PARK7: variants seen among roughly 807,000 people sequenced by gnomAD.
The protein encoded by PARK7 is Parkinsonism associated deglycase.
Under a neutral mutation model 20.5 loss-of-function variants are expected in PARK7, and 14 were observed. That is an observed-to-expected ratio of 0.68 (90% CI 0.45 to 1.07). The LOEUF (loss-of-function observed/expected upper bound fraction) is 1.07. PARK7 is among the 50% of genes least tolerant of loss of function. The pLI, the probability that PARK7 is intolerant of heterozygous loss-of-function variation, is 0.00. For missense variants in PARK7, 234 were observed against 238.1 expected (o/e 0.98, Z 0.11); for synonymous variants, 98 against 84.3 (o/e 1.16, Z -0.89).
intron 5 of PARK7, among the ~76,000 whole-genome samples, chr1:7,973,657 T>C (rs1640509703): frequency 7.2e-6 from 1 of 138,810 alleles, no homozygotes; most frequent in Non-Finnish European, 1.5e-5. Context: ...GAGGTTGCAG[T>C]GAGCCAAGAT....
chr1:7,965,253 T>G (rs1282351669), intron 2 of PARK7, 71 bp from the exon 3 acceptor site: 3 of 1,441,482 alleles, frequency 2.1e-6, no homozygotes, highest in East Asian at 2.3e-5. Flanking sequence ...CTTTTTTCTT[T>G]TTTTTTAAAG....
intron 5 of PARK7, among the ~76,000 whole-genome samples, chr1:7,977,189 A>G (rs936947378): frequency 2.0e-5 from 3 of 152,128 alleles, no homozygotes; most frequent in Admixed American, 2.0e-4. Flanking sequence ...GACTCCTGGT[A>G]TATGTGGTCC....
chr1:7,975,780 A>G (rs1298597906), intron 5 of PARK7, among the ~76,000 whole-genome samples: 1 of 152,226 alleles, frequency 6.6e-6, no homozygotes, highest in Non-Finnish European at 1.5e-5. Context: ...CATCTATTAA[A>G]GTTTACTTTA....
chr1:7,970,897 G>A lies in PARK7; in HGVS notation c.256G>A (p.Ala86Thr). Residue 86 changes from alanine (A) to threonine (T), a missense_variant, in exon 5 of 7, where the codon GCT becomes ACT. Physicochemically the swap from Ala to Thr is moderately conservative, Grantham distance 58 (BLOSUM62 0). Transcript: ENST00000338639. ...NLGAQNLSES[A>T]AVKEILKEQE... Reference sequence around the variant, plus strand: ...TTTTTGGTTTTCTTTTCACTAGTCTGCTGCTGTGAAGGAGATACTGAAGGA... The same window carrying A: ...TTTTTGGTTTTCTTTTCACTAGTCTACTGCTGTGAAGGAGATACTGAAGGA... 2 of 1,614,164 alleles carry A rather than the reference G, an allele frequency of 1.2e-6. No homozygotes were observed. The highest frequency in any genetic ancestry group is 1.7e-6 in the Non-Finnish European group (2 of 1,180,008).
chr1:7,965,508 T>G, intron 3 of PARK7, 83 bp downstream of exon 3: 2 of 1,266,112 alleles, frequency 1.6e-6, no homozygotes, highest in South Asian at 1.2e-5. Context: ...TAGCACAGAC[T>G]CATTTTAGAA....
chr1:7,969,318 TTTTC>T lies in PARK7; in HGVS notation c.193-23_193-20del, dbSNP rs764079735. On this transcript the variant is annotated intron_variant, in intron 3 of 6. Transcript: ENST00000338639. Reference sequence around the variant, plus strand: ...GCACAGTTGAAATGAAATGTTTTTGTTTTCTTTATGTTTTAAACTGTTACAGGGA... The same window carrying T: ...GCACAGTTGAAATGAAATGTTTTTGTTTTATGTTTTAAACTGTTACAGGGA... The T allele has an allele frequency of 3.3e-4, 526 of 1,580,528 alleles. 2 individuals are homozygous for T. The Admixed American group carries it at 8.9e-3, about 27-fold the overall frequency.
chr1:7,981,770 TGCCTCA>T (rs1249740392), intron 6 of PARK7, among the ~76,000 whole-genome samples: 1 of 150,974 alleles, frequency 6.6e-6, no homozygotes, highest in Non-Finnish European at 1.5e-5. Context: ...GCCATTCTCC[TGCCTCA>T]GCCTCCCAAG....
chr1:7,969,271 A>C, intron 3 of PARK7, 74 bp from the exon 4 acceptor site: 1 of 1,207,936 alleles, frequency 8.3e-7, no homozygotes, highest in South Asian at 1.3e-5. Context: ...ATAGGAAAGT[A>C]TTATTGGACT....
At chr1:7,978,719 A>G (rs1245428221) in intron 6 of PARK7, among the ~76,000 whole-genome samples, 1 of 152,054 alleles carries the variant, frequency 6.6e-6, no homozygotes, top group East Asian at 1.9e-4. Flanking sequence ...GGTGATGCAC[A>G]CTGGTAGTTG....
At chr1:7,965,943 C>G (rs226252) in intron 3 of PARK7, among the ~76,000 whole-genome samples, 121,824 of 152,130 alleles carry the variant, frequency 0.8, 49,626 homozygotes, top group African/African-American at 0.95. Flanking sequence ...CCACGTAGCT[C>G]GGACTACAGG....
At chr1:7,974,603 T>G (rs1640537742) in intron 5 of PARK7, among the ~76,000 whole-genome samples, 1 of 150,902 alleles carries the variant, frequency 6.6e-6, no homozygotes, top group South Asian at 2.1e-4. Context: ...CTCTCCAGCC[T>G]GGGCGACAGA....
At chr1:7,962,012 A>C (rs1334628152) in intron 1 of PARK7, 1 of 152,264 alleles carries the variant, frequency 6.6e-6, no homozygotes, top group Non-Finnish European at 1.5e-5. Context: ...AGCGTCCAGA[A>C]TCTTCTGCCT....
At chr1:7,972,681 A>T (rs1487887556) in intron 5 of PARK7, among the ~76,000 whole-genome samples, 1 of 152,224 alleles carries the variant, frequency 6.6e-6, no homozygotes, top group Admixed American at 6.5e-5. Context: ...AGGTGGGCAG[A>T]TCGTTTGAGG....
intron 3 of PARK7, 109 bp downstream of exon 3, chr1:7,965,534 A>G (rs1162231666): frequency 1.1e-6 from 1 of 950,246 alleles, no homozygotes; most frequent in Non-Finnish European, 1.7e-6. Flanking sequence ...TTTTGCTTGA[A>G]TGTCTTCCCC....
intron 6 of PARK7, 106 bp downstream of exon 6, chr1:7,977,844 C>T: frequency 1.1e-6 from 1 of 939,116 alleles, no homozygotes; most frequent in East Asian, 2.6e-5. Flanking sequence ...ACTGCAATCC[C>T]TGCCTCCCGG....
chr1:7,969,495 G>T (rs1362902953), intron 4 of PARK7, 91 bp downstream of exon 4: 30 of 927,082 alleles, frequency 3.2e-5, no homozygotes, highest in Non-Finnish European at 5.0e-5. Flanking sequence ...TGTTAATTTT[G>T]TTATTATTCA....
At chr1:7,978,620 G>C (rs558408750) in intron 6 of PARK7, among the ~76,000 whole-genome samples, 48 of 84,958 alleles carry the variant, frequency 5.6e-4, no homozygotes, top group African/African-American at 3.5e-3. Context: ...GAGGCGGGTG[G>C]ATCGCTTGAG....
chr1:7,972,783 A>G (rs1640492168), intron 5 of PARK7, among the ~76,000 whole-genome samples: 1 of 152,136 alleles, frequency 6.6e-6, no homozygotes, highest in African/African-American at 2.4e-5. Flanking sequence ...GCACGCCTGT[A>G]ATCCCAGCTA....
chr1:7,970,046 T>C (rs1640430831), intron 4 of PARK7, among the ~76,000 whole-genome samples: 1 of 152,050 alleles, frequency 6.6e-6, no homozygotes, highest in Admixed American at 6.6e-5. Context: ...TTTCTTTTAA[T>C]TAGCTGGGCA....
Sources: allele counts gnomAD v4.1 joint callset (sites outside exome capture counted in the v4.1 genomes callset), GRCh38; gene constraint gnomAD v4.1.1; transcripts MANE v1.5; gene names NCBI Gene and HGNC (gene_info 2026-07-23, HGNC 2026-07-21).